Variants in CDK7 observed in about 807,000 individuals in gnomAD.
CDK7 encodes the protein cyclin-dependent kinase 7.
Under a neutral mutation model 49.1 loss-of-function variants are expected in CDK7, and 25 were observed. The observed-to-expected ratio is 0.51, with a 90% CI of 0.37 to 0.71. The LOEUF (loss-of-function observed/expected upper bound fraction) is 0.71, where lower values mean the gene tolerates loss of function less well. CDK7 is among the 30% of genes least tolerant of loss of function. The pLI is 0.00. For missense variants in CDK7, 316 were observed against 411.7 expected (o/e 0.77, Z 2.01); for synonymous variants, 107 against 140.0 (o/e 0.76, Z 1.67).
At chr5:69,275,329 T>A (rs1039402653) in intron 10 of CDK7, among the ~76,000 whole-genome samples, 1 of 152,234 alleles carries the variant, frequency 6.6e-6, no homozygotes, top group Non-Finnish European at 1.5e-5. Context: ...CTGTATTTTT[T>A]AAAAAGCCTT....
In CDK7 at chr5:69,272,798, A is replaced by G. The variant is rs971028878; in HGVS notation, c.715-94A>G. The G allele has an allele frequency of 1.7e-5, 12 of 699,986 alleles. No individual in the cohort carries two copies. The East Asian group carries it at 2.7e-4, about 16-fold the overall frequency. 43.4% of individuals were successfully genotyped at this position (699,986 alleles called of 1,614,324 possible). On this transcript the variant is annotated intron_variant, in intron 9 of 11. Transcript: ENST00000256443. ...TTTAATAGATTTCTTGGAATTTTCT[A>G]TATAAACCATCATATCACCTGAAAA...
chr5:69,238,999 G>A (rs1749193689), intron 2 of CDK7, among the ~76,000 whole-genome samples: 5 of 151,814 alleles, frequency 3.3e-5, no homozygotes, highest in Admixed American at 3.3e-4. Context: ...CCAAACTCTC[G>A]TTGATAAACA....
intron 8 of CDK7, among the ~76,000 whole-genome samples, chr5:69,266,710 A>C (rs1274789070): frequency 6.7e-6 from 1 of 148,478 alleles, no homozygotes; most frequent in African/African-American, 2.5e-5. Flanking sequence ...GCTTCCAGGA[A>C]AAAAAAAAAA....
At position 69,272,969 on chromosome 5, in the gene CDK7, A is replaced by T; in HGVS notation, c.792A>T (p.Ala264=). 1 of 1,602,570 alleles carries T rather than the reference A, an allele frequency of 6.2e-7. No homozygotes were observed. The highest frequency in any genetic ancestry group is 8.5e-7 in the Non-Finnish European group (1 of 1,173,832). Residue 264 remains alanine (A), a synonymous_variant, in exon 10 of 12, where the codon GCA becomes GCT. Transcript: ENST00000256443. The part of the protein sequence containing the change: ...GIPLHHIFSA[A]GDDLLDLIQG... Reference sequence around the variant, plus strand: ...CTTTGCATCACATCTTCAGTGCAGCAGGAGACGACTTACTAGATCTCATAC... The same window carrying T: ...CTTTGCATCACATCTTCAGTGCAGCTGGAGACGACTTACTAGATCTCATAC...
At chr5:69,258,440 C>T (rs571467777) in intron 6 of CDK7, among the ~76,000 whole-genome samples, 28 of 143,150 alleles carry the variant, frequency 2.0e-4, no homozygotes, top group African/African-American at 6.6e-4. Flanking sequence ...AGTGCAGTGG[C>T]GCGATCTCTT....
At chr5:69,260,353 G>A (rs1750738325) in intron 7 of CDK7, among the ~76,000 whole-genome samples, 1 of 150,482 alleles carries the variant, frequency 6.6e-6, no homozygotes, top group Non-Finnish European at 1.5e-5. Flanking sequence ...CCCTCTCAGG[G>A]AAAAACAAAA....
chr5:69,243,315 T>C (rs779686757), intron 2 of CDK7, among the ~76,000 whole-genome samples: 59 of 152,228 alleles, frequency 3.9e-4, no homozygotes, highest in Admixed American at 2.0e-4. Context: ...CTAGAGACTG[T>C]CAATGCAGAA....
chr5:69,261,475 G>A (rs7706902), intron 7 of CDK7, among the ~76,000 whole-genome samples: 42,011 of 149,382 alleles, frequency 0.28, 6,466 homozygotes, highest in East Asian at 0.4. Context: ...ATGAAAGCCT[G>A]ATTGAAAAGG....
At chr5:69,241,720 C>G (rs927925517) in intron 2 of CDK7, among the ~76,000 whole-genome samples, 5 of 152,088 alleles carry the variant, frequency 3.3e-5, no homozygotes, top group African/African-American at 9.7e-5. Flanking sequence ...TTGAGAAATA[C>G]CTACTCAGAT....
At chr5:69,271,625 C>T (rs1377107943) in intron 9 of CDK7, among the ~76,000 whole-genome samples, 1 of 151,716 alleles carries the variant, frequency 6.6e-6, no homozygotes, top group East Asian at 1.9e-4. Context: ...CATCCTCCCA[C>T]CTCAGCCTCT....
chr5:69,262,190 CT>C lies in CDK7; in HGVS notation c.528-10del. On this transcript the variant is annotated splice_polypyrimidine_tract_variant and intron_variant, in intron 7 of 11. Coordinates refer to ENST00000256443, the MANE Select transcript of CDK7 (RefSeq NM_001799.4). ...ATTTCATGCTAAAATGATACTAATT[CT>C]TTTTGTTCTTTAGGTGGTATCGGGC... 1 of 1,612,910 alleles carries C rather than the reference CT, an allele frequency of 6.2e-7. No individual in the cohort carries two copies. Among genetic ancestry groups the C allele is most frequent in the Non-Finnish European group, 8.5e-7 (1 of 1,179,992 alleles).
At chr5:69,261,399 A>G (rs1750800831) in intron 7 of CDK7, among the ~76,000 whole-genome samples, 1 of 152,022 alleles carries the variant, frequency 6.6e-6, no homozygotes, top group Non-Finnish European at 1.5e-5. Flanking sequence ...GGAATTGACA[A>G]TGGGATTTAG....
chr5:69,276,454 A>T, intron 10 of CDK7, 89 bp from the exon 11 acceptor site: 1 of 1,173,600 alleles, frequency 8.5e-7, no homozygotes, highest in Non-Finnish European at 1.2e-6. Flanking sequence ...TAGTATTTTT[A>T]ATGCTCCCTA....
intron 2 of CDK7, 28 bp from the exon 3 acceptor site, chr5:69,252,390 T>C (rs895109363): frequency 7.3e-7 from 1 of 1,368,406 alleles, no homozygotes; most frequent in Non-Finnish European, 1.0e-6. Flanking sequence ...ATTTTTAATA[T>C]ATTTGGGTTT....
At chr5:69,265,495 A>G (rs141381007) in intron 8 of CDK7, among the ~76,000 whole-genome samples, 377 of 152,380 alleles carry the variant, frequency 2.5e-3, no homozygotes, top group African/African-American at 8.6e-3. Context: ...AGCCTTCTCA[A>G]CAGCAGCACT....
chr5:69,276,435 G>A, intron 10 of CDK7, 108 bp from the exon 11 acceptor site: 1 of 891,852 alleles, frequency 1.1e-6, no homozygotes. Context: ...GGGAATGAGG[G>A]CATTCACATA....
At chr5:69,276,346 A>C (rs987831211) in intron 10 of CDK7, among the ~76,000 whole-genome samples, 197 bp from the exon 11 acceptor site, 2 of 152,312 alleles carry the variant, frequency 1.3e-5, no homozygotes, top group South Asian at 4.1e-4. Context: ...TAATGGAATT[A>C]TCAGCCAATC....
chr5:69,268,637 T>C (rs1010534287), intron 8 of CDK7, among the ~76,000 whole-genome samples: 1 of 141,058 alleles, frequency 7.1e-6, no homozygotes, highest in Non-Finnish European at 1.5e-5. Context: ...CAAATCACAA[T>C]GTCAGGAGAT....
intron 8 of CDK7, among the ~76,000 whole-genome samples, chr5:69,266,851 T>G (rs1337101966): frequency 6.6e-6 from 1 of 152,198 alleles, no homozygotes; most frequent in African/African-American, 2.4e-5. Flanking sequence ...TAGGAAATCA[T>G]TACCTTTAGG....
Sources: gnomAD v4.1 joint callset for allele counts (sites outside exome capture counted in the v4.1 genomes callset) on GRCh38, gnomAD v4.1.1 for gene constraint, MANE v1.5 for transcripts, NCBI Gene and HGNC (gene_info 2026-07-23, HGNC 2026-07-21) for gene names.